The following EPC1 variants were observed in gnomAD, a reference collection of about 807,000 sequenced individuals.
EPC1 encodes the protein enhancer of polycomb 1.
In EPC1, 12 loss-of-function variants were observed where a neutral mutation model predicts 98.4. That is an observed-to-expected ratio of 0.12 (90% confidence interval 0.08 to 0.20). The LOEUF is 0.20. Ranked by LOEUF, EPC1 falls within the 10% of genes least tolerant of loss-of-function variation. EPC1 has a pLI of 1.00. For synonymous variants in EPC1, 357 were observed against 363.9 expected, an observed-to-expected ratio of 0.98 and a Z score of 0.21; for missense variants, 729 against 990.5, an observed-to-expected ratio of 0.74 and a Z score of 3.54.
At chr10:32,371,174 A>G (rs1454197532) in intron 1 of EPC1, among the ~76,000 whole-genome samples, 1 of 152,232 alleles carries the variant, frequency 6.6e-6, no homozygotes, top group Non-Finnish European at 1.5e-5. Context: ...CCGCAAAGCA[A>G]TTAAACTCTT....
At chr10:32,278,145 A>G (rs1191516534) in intron 10 of EPC1, among the ~76,000 whole-genome samples, 1 of 150,388 alleles carries the variant, frequency 6.6e-6, no homozygotes, top group East Asian at 2.0e-4. Flanking sequence ...GGTTCAAGCG[A>G]TTCTCCTGCC....
intron 1 of EPC1, among the ~76,000 whole-genome samples, chr10:32,325,558 A>T (rs1427735179): frequency 6.6e-6 from 1 of 152,226 alleles, no homozygotes; most frequent in Non-Finnish European, 1.5e-5. Context: ...CATCACACAA[A>T]TTCCCTTATT....
chr10:32,294,103 A>T (rs909190633), intron 2 of EPC1, among the ~76,000 whole-genome samples: 1 of 152,208 alleles, frequency 6.6e-6, no homozygotes, highest in East Asian at 1.9e-4. Flanking sequence ...TCACATAGGC[A>T]ATTTTTATAA....
chr10:32,353,965 T>C (rs761051860), intron 1 of EPC1, among the ~76,000 whole-genome samples: 1 of 152,194 alleles, frequency 6.6e-6, no homozygotes, highest in Non-Finnish European at 1.5e-5. Context: ...GTTTTTTTCA[T>C]CTAGGAAATG....
chr10:32,358,631 T>TA (rs752276859), intron 1 of EPC1, among the ~76,000 whole-genome samples: 1,173 of 26,666 alleles, frequency 0.044, 24 homozygotes, highest in African/African-American at 0.13. Flanking sequence ...GGGAACGGAG[T>TA]AAAAAAAAAA....
chr10:32,345,615 G>A lies in EPC1; in HGVS notation c.153+1148C>T, dbSNP rs948907130. The A allele has an allele frequency of 6.1e-6, 6 of 985,284 alleles. No individual in the cohort carries two copies. The African/African-American group carries it at 7.0e-5, about 11-fold the overall frequency. The allele number at this position is 985,284 out of a possible 1,614,324, so 61.0% of individuals were successfully genotyped here. On this transcript the variant is annotated intron_variant, in intron 1 of 13. Transcript: ENST00000319778. ...GGATTAGAAGTCATCAAGTTATACT[G>A]TCAAGGATCTGGGGGAAATGAGAGG...
At position 32,339,310 on chromosome 10, in the gene EPC1, T is replaced by C. The variant is rs77874825; in HGVS notation, c.153+7453A>G. On this transcript the variant is annotated intron_variant, in intron 1 of 13. Transcript: ENST00000319778. ...CTTACAGTCAAGAAAACCTGGGGCATGTGGAAGCAGAGCTAGAGGCTAGAG... is the reference window on the plus strand; with the variant it reads ...CTTACAGTCAAGAAAACCTGGGGCACGTGGAAGCAGAGCTAGAGGCTAGAG... 1.5e-4 allele frequency among the ~76,000 whole-genome samples: 23 copies of C among 152,248 alleles called. No individual in the cohort carries two copies. In the East Asian group the frequency reaches 3.7e-3, roughly 24 times the overall value.
intron 1 of EPC1, chr10:32,345,182 C>T (rs1838678186): frequency 1.0e-6 from 1 of 984,236 alleles, no homozygotes; most frequent in African/African-American, 1.7e-5. Flanking sequence ...CCATGCTACT[C>T]TAAAGTTGAT....
intron 1 of EPC1, among the ~76,000 whole-genome samples, chr10:32,364,085 G>T (rs1839527494): frequency 7.6e-6 from 1 of 131,370 alleles, no homozygotes; most frequent in Non-Finnish European, 1.5e-5. Context: ...CGTGATCTCG[G>T]CTCACTGCAA....
chr10:32,270,821 CAAAAAAAAAAAAAAAA>C (rs55931034), intron 13 of EPC1, among the ~76,000 whole-genome samples: 1 of 57,936 alleles, frequency 1.7e-5, no homozygotes, highest in Non-Finnish European at 2.9e-5. Context: ...GACTCGGTCT[CAAAAAAAAAAAAAAAA>C]AAAAAAAAAA....
chr10:32,346,438 C>G (rs1350987525), intron 1 of EPC1: 1 of 246,898 alleles, frequency 4.1e-6, no homozygotes, highest in East Asian at 1.1e-4. Context: ...TCCGGATGCA[C>G]AAGGCCCAAC....
chr10:32,314,049 T>C (rs112352317), intron 1 of EPC1, among the ~76,000 whole-genome samples: 182 of 152,282 alleles, frequency 1.2e-3, no homozygotes, highest in African/African-American at 3.7e-3. Context: ...AATTAATTGC[T>C]GTAACACCAA....
chr10:32,346,610 G>C (rs892787081), intron 1 of EPC1, 153 bp downstream of exon 1: 8 of 752,728 alleles, frequency 1.1e-5, no homozygotes, highest in Non-Finnish European at 1.7e-5. Context: ...GGTCGAGGCT[G>C]GGGGAGGCGG....
chr10:32,345,799 A>T (rs1564560502), intron 1 of EPC1, among the ~76,000 whole-genome samples: 1 of 152,186 alleles, frequency 6.6e-6, no homozygotes, highest in Admixed American at 6.5e-5. Context: ...ACTTAGTTTT[A>T]GTTCGGTTTT....
intron 1 of EPC1, among the ~76,000 whole-genome samples, chr10:32,360,888 C>T (rs1454381151): frequency 2.0e-5 from 1 of 50,272 alleles, no homozygotes; most frequent in African/African-American, 7.7e-5. Context: ...AGTGAAACTC[C>T]ATCTCCAAAA....
intron 1 of EPC1, among the ~76,000 whole-genome samples, chr10:32,369,507 A>T (rs974808845): frequency 6.6e-6 from 1 of 152,216 alleles, no homozygotes; most frequent in African/African-American, 2.4e-5. Flanking sequence ...TTCGTCAAAA[A>T]ATTTGAACAA....
intron 1 of EPC1, among the ~76,000 whole-genome samples, chr10:32,361,082 A>C (rs1413465469): frequency 6.6e-6 from 1 of 152,242 alleles, no homozygotes; most frequent in Admixed American, 6.5e-5. Flanking sequence ...CTTTGGCTTA[A>C]GTAAACTCTT....
At chr10:32,361,063 C>T (rs1839430766) in intron 1 of EPC1, among the ~76,000 whole-genome samples, 1 of 152,212 alleles carries the variant, frequency 6.6e-6, no homozygotes, top group Non-Finnish European at 1.5e-5. Flanking sequence ...CTCTGGGCAG[C>T]CATCCTCACT....
At chr10:32,287,314 T>C (rs1836741896) in intron 6 of EPC1, 40 bp from the exon 7 acceptor site, 2 of 1,601,320 alleles carry the variant, frequency 1.2e-6, no homozygotes, top group South Asian at 1.1e-5. Context: ...CCAGAAACCA[T>C]GTTCAACAAA....
Sources: allele counts gnomAD v4.1 joint callset (sites outside exome capture counted in the v4.1 genomes callset), GRCh38; gene constraint gnomAD v4.1.1; transcripts MANE v1.5; gene names NCBI Gene and HGNC (gene_info 2026-07-23, HGNC 2026-07-21).